Variants in CNN2 observed in about 807,000 individuals in gnomAD.
CNN2 encodes calponin 2, also known as calponin-2.
CNN2 carries 21 observed loss-of-function variants against 31.0 expected under a neutral mutation model. The ratio of observed to expected loss-of-function variants is 0.68; its 90% CI spans 0.48 to 0.98. CNN2 has a LOEUF of 0.98. Ranked by LOEUF, CNN2 falls within the 50% of genes least tolerant of loss-of-function variation. The pLI, the probability that CNN2 is intolerant of heterozygous loss-of-function variation, is 0.00. For synonymous variants in CNN2, 165 were observed against 179.6 expected, an observed-to-expected ratio of 0.92 and a Z score of 0.65; for missense variants, 399 against 427.3, an observed-to-expected ratio of 0.93 and a Z score of 0.58.
chr19:1,032,362 G>A, intron 2 of CNN2, 30 bp from the exon 3 acceptor site: 1 of 1,612,438 alleles, frequency 6.2e-7, no homozygotes, highest in Non-Finnish European at 8.5e-7. Context: ...AGAGGTTTCT[G>A]TTTCCCCCGC....
intron 4 of CNN2, among the ~76,000 whole-genome samples, chr19:1,035,835 T>C (rs2144628916): frequency 6.6e-6 from 1 of 152,130 alleles, no homozygotes; most frequent in African/African-American, 2.4e-5. Flanking sequence ...GGCAGGAGAA[T>C]TGCTTGAACC....
chr19:1,035,281 G>T (rs971430438), intron 4 of CNN2, among the ~76,000 whole-genome samples: 5 of 152,074 alleles, frequency 3.3e-5, no homozygotes, highest in Non-Finnish European at 5.9e-5. Context: ...TTGTGACATG[G>T]TGTCTCACGT....
At chr19:1,036,691 C>T (rs1357216517) in intron 6 of CNN2, 129 bp downstream of exon 6, 2 of 1,132,992 alleles carry the variant, frequency 1.8e-6, no homozygotes, top group Admixed American at 1.8e-5. Flanking sequence ...TAGACCACCT[C>T]CGGCTTCCCT....
rs769294927 is a variant in CNN2, at chr19:1,036,554, G to A, written c.646G>A (p.Ala216Thr). Residue 216 changes from alanine to threonine, a missense_variant, in exon 6 of 7, where the codon GCC (alanine) becomes ACC (threonine). Physicochemically the swap from Ala to Thr is moderately conservative, Grantham distance 58. Transcript: ENST00000263097. ...ISLQMGTNKC[A>T]SQVGMTAPGT... ...CCTCCAGATGGGCACGAACAAGTGT[G>A]CCAGCCAGGTGGGGCTCGCCCGGGT... The A allele has an allele frequency of 8.7e-5, 140 of 1,613,676 alleles. No homozygotes were observed. Among genetic ancestry groups the A allele is most frequent in the Middle Eastern group, 1.6e-4 (1 of 6,084 alleles).
Position 1,026,714 on chromosome 19 carries a change from T to G in CNN2, c.53T>G (p.Val18Gly). 1 of 1,550,464 alleles carries G rather than the reference T, an allele frequency of 6.4e-7. No homozygotes were observed. The highest frequency in any genetic ancestry group is 8.7e-7 in the Non-Finnish European group (1 of 1,147,590). The change falls in exon 1 of 7, where the codon GTC becomes GGC. Residue 18 changes from valine (V) to glycine (G), a missense_variant. Transcript: ENST00000263097. The stretch of plus-strand genomic sequence containing the variant: ...CCCTCGTACGGGCTGTCGGCCGAGG[T>G]CAAGAACCGGGTGAGTGAGGGGCGC... ...KGPSYGLSAE[V>G]KNRLLSKYDP...
In CNN2 at chr19:1,031,133, C is replaced by G. The variant is rs775531381; in HGVS notation, c.126C>G (p.Thr42=). The G allele has an allele frequency of 1.8e-5, 29 of 1,613,152 alleles. No individual in the cohort carries two copies. The Admixed American group carries it at 3.2e-4, about 18-fold the overall frequency. The change falls in exon 2 of 7, where the codon ACC becomes ACG. Residue 42 remains threonine, a synonymous_variant. Transcript: ENST00000263097. ...AELRTWIEGL[T]GLSIGPDFQK... is the part of the protein sequence containing the mutation. ...TCCGCACCTGGATCGAGGGACTCAC[C>G]GGCCTCTCCATCGGCCCCGACTTCC...
At chr19:1,033,174 T>C (rs908570070) in intron 4 of CNN2, among the ~76,000 whole-genome samples, 1 of 152,140 alleles carries the variant, frequency 6.6e-6, no homozygotes, top group Non-Finnish European at 1.5e-5. Flanking sequence ...TGCAGTTCAG[T>C]CTGATGGCGG....
At chr19:1,036,295 C>T (rs747260938) in intron 5 of CNN2, 49 bp downstream of exon 5, 17 of 1,566,054 alleles carry the variant, frequency 1.1e-5, no homozygotes, top group East Asian at 4.5e-5. Flanking sequence ...TGGGGGACCA[C>T]GGTGTTGGGG....
intron 4 of CNN2, chr19:1,032,960 G>A: frequency 2.7e-6 from 1 of 375,320 alleles, no homozygotes; most frequent in Non-Finnish European, 5.1e-6. Context: ...TGTATTTTTA[G>A]TGGAGACTGG....
chr19:1,030,840 G>A lies in CNN2; in HGVS notation c.64-231G>A, dbSNP rs188987443. 4.3e-4 allele frequency: 196 copies of A among 459,922 alleles called. 1 individual carries two copies. In the East Asian group the frequency reaches 5.1e-3, roughly 12 times the overall value. 28.5% of individuals were successfully genotyped at this position (459,922 alleles called of 1,614,324 possible). Reference sequence around the variant, plus strand: ...GATGTTTATCAGTGAGTTCTAAGCCGGTTGTCGGCCTGCTTGGAGGGCGGT... The same window carrying A: ...GATGTTTATCAGTGAGTTCTAAGCCAGTTGTCGGCCTGCTTGGAGGGCGGT... On this transcript the variant is annotated intron_variant, in intron 1 of 6. Transcript: ENST00000263097.
chr19:1,030,798 G>A lies in CNN2; in HGVS notation c.64-273G>A, dbSNP rs557982606. The A allele has an allele frequency of 1.0e-4, 30 of 290,892 alleles. 1 individual carries two copies. The South Asian group carries it at 1.4e-3, about 14-fold the overall frequency. The allele number at this position is 290,892 out of a possible 1,614,324, so 18.0% of individuals were successfully genotyped here. On this transcript the variant is annotated intron_variant, in intron 1 of 6. Transcript: ENST00000263097. ...GATCCGGCCAGGTTTGTCCTGCACCGGGAGTGGATTAGAGCTGATGTTTAT... is the reference window on the plus strand; with the variant it reads ...GATCCGGCCAGGTTTGTCCTGCACCAGGAGTGGATTAGAGCTGATGTTTAT...
chr19:1,036,927 C>T (rs1052585080), intron 6 of CNN2: 13 of 330,936 alleles, frequency 3.9e-5, no homozygotes, highest in African/African-American at 2.2e-4. Context: ...GATCTCGGCT[C>T]ACTGCAACCT....
chr19:1,027,535 G>T (rs974694458), intron 1 of CNN2, among the ~76,000 whole-genome samples: 2 of 152,214 alleles, frequency 1.3e-5, no homozygotes, highest in African/African-American at 4.8e-5. Context: ...GCCAGGGCTA[G>T]GGGAGACACT....
At chr19:1,032,907 T>G in intron 4 of CNN2, 1 of 483,608 alleles carries the variant, frequency 2.1e-6, no homozygotes, top group Non-Finnish European at 3.8e-6. Context: ...GTCTCCCGAG[T>G]AGCTGGGATT....
rs1409812595 is a variant in CNN2 at position 1,036,207 on chromosome 19, T to C, written c.468T>C (p.Asp156=). ...AGAAGCAGGAGCGGAATTTCGACGA[T>C]GCCACCATGAAGGCTGGCCAGTGCG... ...YSEKQERNFD[D]ATMKAGQCVI... The change falls in exon 5 of 7, where the codon GAT becomes GAC. Residue 156 remains aspartate, a synonymous_variant. Transcript: ENST00000263097. The C allele has an allele frequency of 6.4e-7, 1 of 1,568,352 alleles. No individual in the cohort carries two copies. The highest frequency in any genetic ancestry group is 8.6e-7 in the Non-Finnish European group (1 of 1,158,546).
chr19:1,030,850 C>G (rs1040278739), intron 1 of CNN2: 3 of 490,560 alleles, frequency 6.1e-6, no homozygotes, highest in Non-Finnish European at 1.1e-5. Context: ...GGTTGTCGGC[C>G]TGCTTGGAGG....
At chr19:1,026,957 T>C in intron 1 of CNN2, 1 of 485,906 alleles carries the variant, frequency 2.1e-6, no homozygotes, top group Non-Finnish European at 3.7e-6. Flanking sequence ...GAGTGACCCA[T>C]TCCCCCCCCC....
At chr19:1,030,877 C>G in intron 1 of CNN2, 194 bp from the exon 2 acceptor site, 1 of 629,320 alleles carries the variant, frequency 1.6e-6, no homozygotes, top group Non-Finnish European at 2.7e-6. Flanking sequence ...TATCTGTGCC[C>G]GCCTGCAGTG....
At chr19:1,035,666 T>G (rs1034620733) in intron 4 of CNN2, among the ~76,000 whole-genome samples, 1 of 152,318 alleles carries the variant, frequency 6.6e-6, no homozygotes. Context: ...CTCACGCCTG[T>G]AATCCCAGCA....
Sources: allele counts gnomAD v4.1 joint callset (sites outside exome capture counted in the v4.1 genomes callset), GRCh38; gene constraint gnomAD v4.1.1; transcripts MANE v1.5; gene names NCBI Gene and HGNC (gene_info 2026-07-23, HGNC 2026-07-21).